TRIM31: variants seen among roughly 807,000 people sequenced by gnomAD.
TRIM31 encodes tripartite motif containing 31.
TRIM31 carries 31 observed loss-of-function variants against 40.6 expected under a neutral mutation model. The observed-to-expected ratio is 0.76, with a 90% CI of 0.57 to 1.03. The LOEUF is 1.03. Ranked by LOEUF, TRIM31 falls within the 50% of genes least tolerant of loss-of-function variation. TRIM31 has a pLI of 0.00. For missense variants in TRIM31, 455 were observed against 497.5 expected (o/e 0.91, Z 0.81); for synonymous variants, 164 against 193.9 (o/e 0.85, Z 1.28).
At position 30,103,357 on chromosome 6, in the gene TRIM31, C is replaced by G. The variant is rs1768366283; in HGVS notation, c.*179G>C. ...ATTCGTCCATTCCTTCTCCAACTCT[C>G]TTCACCACCACCCCCGCCCCCATCT... On this transcript the variant is annotated 3_prime_UTR_variant, in exon 9 of 9. Coordinates refer to ENST00000376734, the MANE Select transcript of TRIM31 (RefSeq NM_007028.5). 1 of 888,482 alleles carries G rather than the reference C, an allele frequency of 1.1e-6. No homozygotes were observed. The highest frequency in any genetic ancestry group is 1.7e-6 in the Non-Finnish European group (1 of 576,846). The allele number at this position is 888,482 out of a possible 1,614,324, so 55.0% of individuals were successfully genotyped here. A position where few individuals can be genotyped will look rare whatever the true frequency, so the allele number is the denominator to read the frequency against.
At chr6:30,110,347 T>A (rs1238494441) in intron 4 of TRIM31, 101 bp downstream of exon 4, 1 of 1,105,848 alleles carries the variant, frequency 9.0e-7, no homozygotes, top group Non-Finnish European at 1.3e-6. Flanking sequence ...AGAGGTAGGA[T>A]GGTTGGGGCA....
At chr6:30,113,020 C>A (rs1312313928) in intron 1 of TRIM31, 44 bp downstream of exon 1, 1 of 528,436 alleles carries the variant, frequency 1.9e-6, no homozygotes, top group East Asian at 3.1e-5. Context: ...AATTTAGGAT[C>A]TAGAAAATAT....
chr6:30,104,070 G>A (rs768845379), intron 8 of TRIM31, 32 bp downstream of exon 8: 43 of 1,607,632 alleles, frequency 2.7e-5, no homozygotes, highest in Non-Finnish European at 3.5e-5. Flanking sequence ...TAGACTTAGA[G>A]GTCCCTTAGT....
chr6:30,103,384 C>A lies in TRIM31; in HGVS notation c.*152G>T. ...TCACCACCACCCCCGCCCCCATCTC[C>A]ACTCTCAGTAGCCCGAGCCCTCCCA... On this transcript the variant is annotated 3_prime_UTR_variant, in exon 9 of 9. Coordinates refer to ENST00000376734, the MANE Select transcript of TRIM31 (RefSeq NM_007028.5). 8.9e-7 allele frequency: 1 copy of A among 1,125,508 alleles called. No individual in the cohort carries two copies. The highest frequency in any genetic ancestry group is 1.3e-6 in the Non-Finnish European group (1 of 789,458). 69.7% of individuals were successfully genotyped at this position (1,125,508 alleles called of 1,614,324 possible). A position where few individuals can be genotyped will look rare whatever the true frequency, so the allele number is the denominator to read the frequency against.
chr6:30,109,182 C>G (rs1769048793), intron 4 of TRIM31, 134 bp from the exon 5 acceptor site: 1 of 788,770 alleles, frequency 1.3e-6, no homozygotes, highest in East Asian at 2.6e-5. Flanking sequence ...CTTACCCCAT[C>G]CTCCTCCCCT....
intron 8 of TRIM31, 68 bp from the exon 9 acceptor site, chr6:30,103,857 G>C: frequency 1.2e-6 from 2 of 1,602,230 alleles, no homozygotes; most frequent in African/African-American, 2.7e-5. Flanking sequence ...TCCATTGCCA[G>C]ACAGCACAGC....
Position 30,103,800 on chromosome 6 carries a change from G to A in TRIM31, c.1025-11C>T. 1 of 1,612,678 alleles carries A rather than the reference G, an allele frequency of 6.2e-7. No individual in the cohort carries two copies. The highest frequency in any genetic ancestry group is 2.2e-5 in the East Asian group (1 of 44,878). On this transcript the variant is annotated splice_polypyrimidine_tract_variant and intron_variant, in intron 8 of 8. Coordinates refer to ENST00000376734, the MANE Select transcript of TRIM31 (RefSeq NM_007028.5). ...ATGTAGTTCTGCCGCCTTTGCGGGA[G>A]AAGGAAAGGAGAAAAGAGGTCAGCG...
At chr6:30,112,978 G>C in intron 1 of TRIM31, 86 bp downstream of exon 1, 2 of 554,160 alleles carry the variant, frequency 3.6e-6, no homozygotes, top group Non-Finnish European at 5.9e-6. Context: ...AGAAGAGGGA[G>C]AAAAAAATAA....
intron 6 of TRIM31, 192 bp downstream of exon 6, chr6:30,107,861 C>A: frequency 1.7e-6 from 1 of 575,800 alleles, no homozygotes; most frequent in Non-Finnish European, 3.1e-6. Flanking sequence ...AATAACATAT[C>A]ACAAAGACAG....
In TRIM31 at chr6:30,103,442, C is replaced by A; in HGVS notation, c.*94G>T. ...CTCCTTCGACCCAATTCCACTAAGT[C>A]AAGAACCGTGGTCGGTCTCAGCCAC... On this transcript the variant is annotated 3_prime_UTR_variant, in exon 9 of 9. Coordinates refer to ENST00000376734, the MANE Select transcript of TRIM31 (RefSeq NM_007028.5). 6.4e-7 allele frequency: 1 copy of A among 1,558,140 alleles called. No individual in the cohort carries two copies. Among genetic ancestry groups the A allele is most frequent in the South Asian group, 1.2e-5 (1 of 83,696 alleles).
At chr6:30,108,853 G>A (rs2240068) in intron 5 of TRIM31, 173 bp downstream of exon 5, 32 of 693,960 alleles carry the variant, frequency 4.6e-5, no homozygotes, top group Middle Eastern at 2.4e-4. Context: ...AACCAACCAC[G>A]TGCTAATATG....
chr6:30,106,529 T>C (rs921422630), intron 6 of TRIM31, among the ~76,000 whole-genome samples: 2 of 152,044 alleles, frequency 1.3e-5, no homozygotes, highest in Non-Finnish European at 2.9e-5. Context: ...CTGTATTTCC[T>C]AGGCTTTAAT....
intron 3 of TRIM31, 139 bp downstream of exon 3, chr6:30,111,509 G>C: frequency 1.3e-6 from 1 of 797,662 alleles, no homozygotes; most frequent in South Asian, 1.7e-5. Context: ...ATGCCGCCTG[G>C]CCGGTCAGGT....
At chr6:30,107,910 G>A (rs1768877626) in intron 6 of TRIM31, 143 bp downstream of exon 6, 1 of 628,564 alleles carries the variant, frequency 1.6e-6, no homozygotes, top group East Asian at 2.7e-5. Context: ...ACTGATGCGT[G>A]GAAAGTACTC....
At position 30,103,155 on chromosome 6, in the gene TRIM31, C is replaced by G. The variant is rs2240071; in HGVS notation, c.*381G>C. The G allele has an allele frequency of 0.21, 57,761 of 270,564 alleles. 6,615 individuals carry two copies. The highest frequency in any genetic ancestry group is 0.27 in the Middle Eastern group (231 of 842). The allele number at this position is 270,564 out of a possible 1,614,324, so 16.8% of individuals were successfully genotyped here. ...ACTGTGACCCAGGCTGGCGTTGCTC[C>G]TCTCCGGATTTCACTCCTGGCTGAA... On this transcript the variant is annotated 3_prime_UTR_variant, in exon 9 of 9. Coordinates refer to ENST00000376734, the MANE Select transcript of TRIM31 (RefSeq NM_007028.5).
rs137922219 is a variant in TRIM31, at chr6:30,112,527, A to G, written c.279T>C (p.Ala93=). 26 of 1,613,020 alleles carry G rather than the reference A, an allele frequency of 1.6e-5. No homozygotes were observed. In the African/African-American group the frequency reaches 3.3e-4, roughly 21 times the overall value. ...ACATCTCCTGGTGCCTCGGGCATGT[A>G]GCCTCTTTCCTTTTGGACTGCACCT... ...ASEVQSKRKE[A]TCPRHQEMFH... Residue 93 remains alanine, a synonymous_variant, in exon 2 of 9, where the codon GCT becomes GCC. Coordinates refer to ENST00000376734, the MANE Select transcript of TRIM31 (RefSeq NM_007028.5).
chr6:30,103,450 G>A lies in TRIM31; in HGVS notation c.*86C>T. The A allele has an allele frequency of 6.5e-7, 1 of 1,536,148 alleles. No individual in the cohort carries two copies. The highest frequency in any genetic ancestry group is 8.8e-7 in the Non-Finnish European group (1 of 1,138,906). ...ACCCAATTCCACTAAGTCAAGAACC[G>A]TGGTCGGTCTCAGCCACTCACTCAG... On this transcript the variant is annotated 3_prime_UTR_variant, in exon 9 of 9. Coordinates refer to ENST00000376734, the MANE Select transcript of TRIM31 (RefSeq NM_007028.5).
Position 30,112,818 on chromosome 6 carries a change from G to C in TRIM31, c.-13C>G. ...GCCCACTGGCCATGACAGAACAACA[G>C]GGCTGTTTCAAGACTGTAGGAAGCT... is the stretch of plus-strand genomic sequence containing the variant. On this transcript the variant is annotated 5_prime_UTR_variant, in exon 2 of 9. Transcript: ENST00000376734. The C allele has an allele frequency of 1.3e-6, 2 of 1,589,710 alleles. No individual in the cohort carries two copies. Among genetic ancestry groups the C allele is most frequent in the Non-Finnish European group, 1.7e-6 (2 of 1,168,978 alleles).
In TRIM31 at chr6:30,108,166, C is replaced by A; in HGVS notation, c.770G>T (p.Ser257Ile). 6.2e-7 allele frequency: 1 copy of A among 1,605,548 alleles called. No individual in the cohort carries two copies. The highest frequency in any genetic ancestry group is 8.5e-7 in the Non-Finnish European group (1 of 1,173,552). ...TGGGTTGAGAAACTGAAACTCTTCACTTCTAGGAAGATGTGGTTGAGCTGG... is the reference window on the plus strand; with the variant it reads ...TGGGTTGAGAAACTGAAACTCTTCAATTCTAGGAAGATGTGGTTGAGCTGG... ...LEDIKVVLCR[S>I]EEFQFLNPTP... Residue 257 changes from serine (S) to isoleucine (I), a missense_variant and splice_region_variant, in exon 6 of 9, where the codon AGT (serine) becomes ATT (isoleucine). By Grantham distance (142) the Ser-to-Ile change is moderately radical. Transcript: ENST00000376734.
Sources: allele counts gnomAD v4.1 joint callset (sites outside exome capture counted in the v4.1 genomes callset), GRCh38; gene constraint gnomAD v4.1.1; transcripts MANE v1.5; gene names NCBI Gene and HGNC (gene_info 2026-07-23, HGNC 2026-07-21).